The following ZNF385B variants were observed in gnomAD, a reference collection of about 807,000 sequenced individuals.
ZNF385B encodes the protein zinc finger protein 533.
A neutral mutation model predicts 39.2 loss-of-function variants in ZNF385B; 23 were observed. The observed-to-expected ratio is 0.59, with a 90% CI of 0.42 to 0.83. The LOEUF is 0.83. ZNF385B is among the 40% of genes least tolerant of loss of function. ZNF385B has a pLI of 0.00. For missense variants in ZNF385B, 552 were observed against 598.9 expected, an observed-to-expected ratio of 0.92 and a Z score of 0.82; for synonymous variants, 205 against 222.6, an observed-to-expected ratio of 0.92 and a Z score of 0.70.
intron 3 of ZNF385B, among the ~76,000 whole-genome samples, chr2:179,616,743 G>C (rs1689781952): frequency 6.6e-6 from 1 of 151,856 alleles, no homozygotes; most frequent in African/African-American, 2.4e-5. Flanking sequence ...TTATTTTCTG[G>C]GAAGACAGGG....
chr2:179,586,594 T>C (rs1687094455), intron 3 of ZNF385B, among the ~76,000 whole-genome samples: 1 of 152,132 alleles, frequency 6.6e-6, no homozygotes, highest in Non-Finnish European at 1.5e-5. Context: ...TGCCACCCCA[T>C]TGACTTAAAA....
At chr2:179,681,197 G>A (rs1359125405) in intron 3 of ZNF385B, among the ~76,000 whole-genome samples, 1 of 151,414 alleles carries the variant, frequency 6.6e-6, no homozygotes, top group East Asian at 1.9e-4. Flanking sequence ...ATTTATTAAG[G>A]TCAATAACAG....
At chr2:179,641,138 G>A (rs967602284) in intron 3 of ZNF385B, among the ~76,000 whole-genome samples, 1 of 152,058 alleles carries the variant, frequency 6.6e-6, no homozygotes, top group African/African-American at 2.4e-5. Context: ...GAACTCCACA[G>A]GTTTTTCTTT....
rs575353268 is a variant in ZNF385B at position 179,645,631 on chromosome 2, TG to T, written c.299-100663del. Among the ~76,000 whole-genome samples the T allele has an allele frequency of 2.8e-3, 434 of 152,298 alleles. 1 individual carries two copies. Among genetic ancestry groups the T allele is most frequent in the African/African-American group, 9.8e-3 (406 of 41,572 alleles). On this transcript the variant is annotated intron_variant, in intron 3 of 9. Coordinates refer to ENST00000410066, the MANE Select transcript of ZNF385B (RefSeq NM_152520.6). ...GAAGACTTACACAGTGCTAAAAGCC[TG>T]GAGACTGCTTATGCGATCTAAAGTG...
At chr2:179,644,136 C>T (rs1198640593) in intron 3 of ZNF385B, among the ~76,000 whole-genome samples, 1 of 152,054 alleles carries the variant, frequency 6.6e-6, no homozygotes, top group Non-Finnish European at 1.5e-5. Flanking sequence ...GAGTTTGCTT[C>T]CAGTTTGGCT....
chr2:179,759,453 G>T (rs946783569), intron 3 of ZNF385B, among the ~76,000 whole-genome samples: 3 of 152,044 alleles, frequency 2.0e-5, no homozygotes, highest in Non-Finnish European at 4.4e-5. Flanking sequence ...GTTCCCATAG[G>T]ACCAGAAAAC....
chr2:179,701,677 C>G (rs61545220), intron 3 of ZNF385B, among the ~76,000 whole-genome samples: 2 of 152,152 alleles, frequency 1.3e-5, no homozygotes, highest in Non-Finnish European at 2.9e-5. Flanking sequence ...GAACAGCATG[C>G]ATATTGTTCC....
At chr2:179,807,928 A>AGG (rs1706477685) in intron 1 of ZNF385B, among the ~76,000 whole-genome samples, 3 of 150,152 alleles carry the variant, frequency 2.0e-5, no homozygotes, top group African/African-American at 7.4e-5. Context: ...GAAAGAAAGA[A>AGG]AGAAGGAAGG....
intron 3 of ZNF385B, among the ~76,000 whole-genome samples, chr2:179,730,671 T>C (rs1701329616): frequency 6.6e-6 from 1 of 152,218 alleles, no homozygotes; most frequent in African/African-American, 2.4e-5. Context: ...TACTGATAAA[T>C]AATTTAGTAC....
At chr2:179,536,128 CCA>C (rs1160999076) in intron 4 of ZNF385B, among the ~76,000 whole-genome samples, 1 of 152,030 alleles carries the variant, frequency 6.6e-6, no homozygotes, top group African/African-American at 2.4e-5. Context: ...GGCTACCATA[CCA>C]CAGAGACATA....
intron 3 of ZNF385B, among the ~76,000 whole-genome samples, chr2:179,589,081 C>T (rs2106064222): frequency 6.6e-6 from 1 of 152,226 alleles, no homozygotes; most frequent in East Asian, 1.9e-4. Flanking sequence ...ACTGGTACCC[C>T]ATATCTTTTC....
At chr2:179,677,296 C>T (rs1039455232) in intron 3 of ZNF385B, among the ~76,000 whole-genome samples, 14 of 152,218 alleles carry the variant, frequency 9.2e-5, no homozygotes, top group Non-Finnish European at 1.6e-4. Context: ...AAGTTTCTGT[C>T]TATACCGTTA....
intron 3 of ZNF385B, among the ~76,000 whole-genome samples, chr2:179,759,364 G>A (rs908427956): frequency 6.6e-6 from 1 of 151,944 alleles, no homozygotes; most frequent in South Asian, 2.1e-4. Flanking sequence ...AGAGAACTCA[G>A]GACAACTTAG....
intron 1 of ZNF385B, among the ~76,000 whole-genome samples, chr2:179,854,387 A>G (rs1024733143): frequency 6.6e-6 from 1 of 152,246 alleles, no homozygotes; most frequent in East Asian, 1.9e-4. Flanking sequence ...AACTCTAAAC[A>G]TACAATGACA....
At chr2:179,646,074 C>A (rs373711815) in intron 3 of ZNF385B, among the ~76,000 whole-genome samples, 9 of 152,308 alleles carry the variant, frequency 5.9e-5, no homozygotes, top group African/African-American at 2.2e-4. Context: ...CCTTTGACTA[C>A]CTCTCCTGAA....
At chr2:179,560,576 A>C (rs2061264218) in intron 3 of ZNF385B, among the ~76,000 whole-genome samples, 1 of 151,664 alleles carries the variant, frequency 6.6e-6, no homozygotes, top group Non-Finnish European at 1.5e-5. Context: ...TCTTTCTCTA[A>C]CTCTCTCTAA....
chr2:179,524,245 G>A lies in ZNF385B; in HGVS notation c.442-5607C>T, dbSNP rs76899817. 5.7e-3 allele frequency among the ~76,000 whole-genome samples: 862 copies of A among 152,110 alleles called. 10 individuals are homozygous for A. The highest frequency in any genetic ancestry group is 0.02 in the African/African-American group (840 of 41,490). On this transcript the variant is annotated intron_variant, in intron 4 of 9. Transcript: ENST00000410066. The stretch of plus-strand genomic sequence containing the variant: ...TCTATTAAACAGAAATAGAAATCAG[G>A]TTCTTTACTTTTAAAATTTAAAGTC...
chr2:179,822,428 T>C (rs367620573), intron 1 of ZNF385B, among the ~76,000 whole-genome samples: 11 of 152,250 alleles, frequency 7.2e-5, no homozygotes, highest in African/African-American at 2.7e-4. Flanking sequence ...GTAATAATGA[T>C]GAAAATTATA....
At chr2:179,447,233 T>C (rs1239954542) in intron 6 of ZNF385B, among the ~76,000 whole-genome samples, 3 of 152,228 alleles carry the variant, frequency 2.0e-5, no homozygotes, top group Non-Finnish European at 4.4e-5. Flanking sequence ...GTTAAAATTT[T>C]AACTGTGGAT....
Sources: allele counts gnomAD v4.1 joint callset (sites outside exome capture counted in the v4.1 genomes callset), GRCh38; gene constraint gnomAD v4.1.1; transcripts MANE v1.5; gene names NCBI Gene and HGNC (gene_info 2026-07-23, HGNC 2026-07-21).